The following ARHGEF6 variants were observed in gnomAD, a reference collection of about 807,000 sequenced individuals.
ARHGEF6 encodes Rac/Cdc42 guanine nucleotide exchange factor 6, also known as rho guanine nucleotide exchange factor 6.
In ARHGEF6, 9 loss-of-function variants were observed where a neutral mutation model predicts 70.3. The observed-to-expected ratio is 0.13, with a 90% CI of 0.08 to 0.22. The LOEUF is 0.22. Ranked by LOEUF, ARHGEF6 falls within the 10% of genes least tolerant of loss-of-function variation. The pLI, the probability that ARHGEF6 is intolerant of heterozygous loss-of-function variation, is 1.00. For missense variants in ARHGEF6, 470 were observed against 563.0 expected, an observed-to-expected ratio of 0.83 and a Z score of 1.67; for synonymous variants, 201 against 207.8, an observed-to-expected ratio of 0.97 and a Z score of 0.28.
chrX:136,766,392 T>TTG (rs762978354), intron 2 of ARHGEF6, among the ~76,000 whole-genome samples: 3 of 103,827 alleles, frequency 2.9e-5, no homozygotes, highest in Admixed American at 1.1e-4. Flanking sequence ...AGGTTTTTTT[T>TTG]GGGGGGGGGT....
rs184700494 is a variant in ARHGEF6, at chrX:136,669,381, C to T, written c.2190+101G>A. On this transcript the variant is annotated intron_variant, in intron 21 of 21. Coordinates refer to ENST00000250617, the MANE Select transcript of ARHGEF6 (RefSeq NM_004840.3). Reference sequence around the variant, plus strand: ...CACAAGGAAAACAAAAATCCCCCCTCGCTACCTTGCTCCTAGGCCTTCCCT... The same window carrying T: ...CACAAGGAAAACAAAAATCCCCCCTTGCTACCTTGCTCCTAGGCCTTCCCT... 139 of 765,256 alleles carry T rather than the reference C, an allele frequency of 1.8e-4. No individual in the cohort carries two copies. In the East Asian group the frequency reaches 3.5e-3, roughly 19 times the overall value. The allele number at this position is 765,256 out of a possible 1,213,427, so 63.1% of individuals were successfully genotyped here.
Position 136,676,732 on chromosome X carries a change from G to T in ARHGEF6, c.1852-15C>A, listed in dbSNP as rs1166323288. On this transcript the variant is annotated splice_polypyrimidine_tract_variant and intron_variant, in intron 17 of 21. Coordinates refer to ENST00000250617, the MANE Select transcript of ARHGEF6 (RefSeq NM_004840.3). The stretch of plus-strand genomic sequence containing the variant: ...TTACTAGACTCCTGTGAGGACAGAG[G>T]TTTCTTAATGAATTAAAATTCTCCC... The T allele has an allele frequency of 1.8e-6, 2 of 1,108,050 alleles. No individual in the cohort carries two copies. Among genetic ancestry groups the T allele is most frequent in the African/African-American group, 1.8e-5 (1 of 55,723 alleles). The allele number at this position is 1,108,050 out of a possible 1,213,427, so 91.3% of individuals were successfully genotyped here. A position where few individuals can be genotyped will look rare whatever the true frequency, so the allele number is the denominator to read the frequency against.
chrX:136,675,505 ATTTTCTTTTC>A (rs911367515), intron 18 of ARHGEF6, among the ~76,000 whole-genome samples: 1 of 108,472 alleles, frequency 9.2e-6, no homozygotes, highest in Non-Finnish European at 1.9e-5. Flanking sequence ...ACCCCACTCA[ATTTTCTTTTC>A]TTTTCTTTTC....
intron 9 of ARHGEF6, among the ~76,000 whole-genome samples, chrX:136,699,177 C>T (rs188392826): frequency 2.4e-4 from 27 of 111,127 alleles, no homozygotes; most frequent in African/African-American, 7.5e-4. Flanking sequence ...ACAATTATAG[C>T]ATGTATTATT....
chrX:136,686,711 T>C (rs1295740407), intron 11 of ARHGEF6, among the ~76,000 whole-genome samples: 17 of 9,567 alleles, frequency 1.8e-3, no homozygotes, highest in East Asian at 5.7e-3. Context: ...TATATATACA[T>C]ATATATATAT....
At chrX:136,761,742 A>C (rs907292564) in intron 2 of ARHGEF6, among the ~76,000 whole-genome samples, 3 of 111,977 alleles carry the variant, frequency 2.7e-5, no homozygotes, top group Admixed American at 9.5e-5. Context: ...ATTTTTAAAA[A>C]CATTTTGCCA....
chrX:136,748,362 C>A (rs2077117394), intron 2 of ARHGEF6, among the ~76,000 whole-genome samples: 1 of 112,473 alleles, frequency 8.9e-6, no homozygotes, highest in Admixed American at 9.4e-5. Flanking sequence ...ATACATTTCA[C>A]TTTACCAGTC....
At chrX:136,669,121 G>A (rs2076195715) in intron 21 of ARHGEF6, among the ~76,000 whole-genome samples, 1 of 111,784 alleles carries the variant, frequency 8.9e-6, no homozygotes, top group Admixed American at 9.5e-5. Flanking sequence ...GCATCACGGA[G>A]CACTAGGCCA....
At chrX:136,716,679 A>T (rs1472568610) in intron 6 of ARHGEF6, among the ~76,000 whole-genome samples, 1 of 112,353 alleles carries the variant, frequency 8.9e-6, no homozygotes, top group East Asian at 2.8e-4. Flanking sequence ...GTTTTTAAGT[A>T]ACTGTGATTA....
intron 11 of ARHGEF6, among the ~76,000 whole-genome samples, chrX:136,686,952 G>T (rs904257845): frequency 1.8e-5 from 2 of 108,128 alleles, no homozygotes. Context: ...TATTTTAAGA[G>T]CACCTATAGT....
At chrX:136,687,896 CA>C in intron 11 of ARHGEF6, 35 bp downstream of exon 11, 5 of 1,145,682 alleles carry the variant, frequency 4.4e-6, no homozygotes, top group Non-Finnish European at 6.0e-6. Flanking sequence ...ATAAAGTATA[CA>C]AAATGGAGAA....
chrX:136,717,489 A>G lies in ARHGEF6; in HGVS notation c.733-4119T>C, dbSNP rs142509300. Reference sequence around the variant, plus strand: ...TAAAAGAAGTTCTTCACAGAGAAGAAAAACAATATAGGTCAGAAATCTGAA... The same window carrying G: ...TAAAAGAAGTTCTTCACAGAGAAGAGAAACAATATAGGTCAGAAATCTGAA... On this transcript the variant is annotated intron_variant, in intron 6 of 21. Coordinates refer to ENST00000250617, the MANE Select transcript of ARHGEF6 (RefSeq NM_004840.3). Among the ~76,000 whole-genome samples, 465 of 112,320 alleles carry G rather than the reference A, an allele frequency of 4.1e-3. 6 individuals are homozygous for G. Among genetic ancestry groups the G allele is most frequent in the African/African-American group, 0.015 (450 of 31,009 alleles).
At chrX:136,713,439 T>C in intron 6 of ARHGEF6, 69 bp from the exon 7 acceptor site, 1 of 809,241 alleles carries the variant, frequency 1.2e-6, no homozygotes, top group Non-Finnish European at 1.9e-6. Flanking sequence ...CTTTGATCTT[T>C]TAACCAAATT....
intron 2 of ARHGEF6, 88 bp from the exon 3 acceptor site, chrX:136,747,680 T>G: frequency 4.1e-5 from 5 of 121,185 alleles, no homozygotes; most frequent in East Asian, 1.4e-4. Context: ...CCTCCAGCTC[T>G]CCGGAAAAAA....
At chrX:136,696,934 G>A (rs2076518697) in intron 9 of ARHGEF6, among the ~76,000 whole-genome samples, 1 of 111,140 alleles carries the variant, frequency 9.0e-6, no homozygotes, top group Admixed American at 9.6e-5. Flanking sequence ...TCAACTCTGT[G>A]TAAAAGAGGC....
chrX:136,705,809 G>A (rs147447321), intron 9 of ARHGEF6, among the ~76,000 whole-genome samples: 216 of 112,411 alleles, frequency 1.9e-3, no homozygotes, highest in African/African-American at 6.5e-3. Flanking sequence ...CCTTTAAAAT[G>A]TCCTTACATA....
chrX:136,718,095 C>A (rs2076755790), intron 6 of ARHGEF6, among the ~76,000 whole-genome samples: 1 of 110,613 alleles, frequency 9.0e-6, no homozygotes, highest in African/African-American at 3.3e-5. Flanking sequence ...AAAAATAAGA[C>A]CCAACCATAT....
intron 9 of ARHGEF6, among the ~76,000 whole-genome samples, chrX:136,695,162 G>T: frequency 8.9e-6 from 1 of 112,009 alleles, no homozygotes; most frequent in East Asian, 2.8e-4. Flanking sequence ...TAATAGGTCA[G>T]CATAAATTGC....
At chrX:136,773,317 T>A (rs1161721086) in intron 2 of ARHGEF6, among the ~76,000 whole-genome samples, 2 of 112,075 alleles carry the variant, frequency 1.8e-5, no homozygotes, top group African/African-American at 3.2e-5. Context: ...ATTAGGTATG[T>A]CCTATGCCAG....
Sources: allele counts gnomAD v4.1 joint callset (sites outside exome capture counted in the v4.1 genomes callset), GRCh38; gene constraint gnomAD v4.1.1; transcripts MANE v1.5; gene names NCBI Gene and HGNC (gene_info 2026-07-23, HGNC 2026-07-21).